Variants in NFATC1 observed in about 807,000 individuals in gnomAD.
NFATC1 encodes the protein nuclear factor of activated T-cells, cytoplasmic 1.
Under a neutral mutation model 76.0 loss-of-function variants are expected in NFATC1, and 22 were observed. That is an observed-to-expected ratio of 0.29 (90% CI 0.21 to 0.41). The LOEUF (loss-of-function observed/expected upper bound fraction) is 0.41, where lower values mean the gene tolerates loss of function less well. Among genes scored for constraint, NFATC1 ranks in the 10% least tolerant of loss-of-function variants. The pLI is 1.00. For missense variants in NFATC1, 1,357 were observed against 1,337.7 expected (o/e 1.01, Z -0.23); for synonymous variants, 704 against 613.1 (o/e 1.15, Z -2.19).
Position 79,426,453 on chromosome 18 carries a change from G to A in NFATC1, c.1227-7126G>A, listed in dbSNP as rs75967123. ...CGTCCCATGCCGCTTCCACCGCAGC[G>A]TGAGGACAGCAGGACCTGAGCCACG... On this transcript the variant is annotated intron_variant, in intron 2 of 9. Coordinates refer to ENST00000427363, the MANE Select transcript of NFATC1 (RefSeq NM_001278669.2). Among the ~76,000 whole-genome samples, 6 of 152,150 alleles carry A rather than the reference G, an allele frequency of 3.9e-5. No homozygotes were observed. The East Asian group carries it at 9.7e-4, about 25-fold the overall frequency.
At chr18:79,511,741 G>A (rs939321917) in intron 9 of NFATC1, among the ~76,000 whole-genome samples, 12 of 152,192 alleles carry the variant, frequency 7.9e-5, no homozygotes, top group Non-Finnish European at 1.8e-4. Flanking sequence ...TGGTTTCGAG[G>A]CTCTCAGTGG....
rs557963288 is a variant in NFATC1, at chr18:79,462,851, AGT to A, written c.1959+1491_1959+1492del. Among the ~76,000 whole-genome samples the A allele has an allele frequency of 1.7e-3, 253 of 152,208 alleles. 4 individuals are homozygous for A. Among genetic ancestry groups the A allele is most frequent in the African/African-American group, 5.6e-3 (232 of 41,532 alleles). Reference sequence around the variant, plus strand: ...GTCGGGGAGTCTTGTGCACCCACTCAGTGTGTGCAGTTGGAAGCTGGTCCCTT... The same window carrying A: ...GTCGGGGAGTCTTGTGCACCCACTCAGTGTGCAGTTGGAAGCTGGTCCCTT... On this transcript the variant is annotated intron_variant, in intron 7 of 9. Coordinates refer to ENST00000427363, the MANE Select transcript of NFATC1 (RefSeq NM_001278669.2).
rs1390500795 is a variant in NFATC1 at position 79,396,045 on chromosome 18, C to G, written c.-180C>G. ...AGGGCTCGGAGCCACCGCGCAGGTC[C>G]TAGGGCCGCGGCCGGGCCCCGCCAC... On this transcript the variant is annotated 5_prime_UTR_variant, in exon 1 of 10. Transcript: ENST00000427363. The G allele has an allele frequency of 2.9e-6, 2 of 696,174 alleles. No homozygotes were observed. Among genetic ancestry groups the G allele is most frequent in the East Asian group, 1.1e-4 (2 of 17,724 alleles). The allele number at this position is 696,174 out of a possible 1,614,324, so 43.1% of individuals were successfully genotyped here.
chr18:79,483,711 G>A (rs1442039706), intron 8 of NFATC1, among the ~76,000 whole-genome samples: 2 of 147,616 alleles, frequency 1.4e-5, no homozygotes, highest in Admixed American at 1.3e-4. Flanking sequence ...TGTTCCTGGG[G>A]TGTAATTCCA....
chr18:79,526,581 GGT>G (rs1419811383), intron 9 of NFATC1, among the ~76,000 whole-genome samples: 6 of 152,240 alleles, frequency 3.9e-5, no homozygotes, highest in Non-Finnish European at 8.8e-5. Flanking sequence ...GCCAGCCTCG[GGT>G]GTGTGTTTGC....
intron 9 of NFATC1, among the ~76,000 whole-genome samples, chr18:79,493,179 T>C (rs1245806486): frequency 6.6e-6 from 1 of 152,236 alleles, no homozygotes; most frequent in Non-Finnish European, 1.5e-5. Flanking sequence ...TAATGTGATC[T>C]CCACGCATTC....
intron 9 of NFATC1, among the ~76,000 whole-genome samples, chr18:79,517,473 C>T (rs1292915620): frequency 6.6e-6 from 1 of 152,178 alleles, no homozygotes; most frequent in Non-Finnish European, 1.5e-5. Flanking sequence ...TCCAGTGGGA[C>T]GGTGGGCCTT....
chr18:79,415,345 C>G (rs562853661), intron 2 of NFATC1, among the ~76,000 whole-genome samples: 1 of 152,162 alleles, frequency 6.6e-6, no homozygotes, highest in Admixed American at 6.5e-5. Context: ...TGCAGTGGCA[C>G]AATCTCGGCT....
At chr18:79,443,266 G>GCACCGCGCGTATGGACACA (rs2087055632) in intron 3 of NFATC1, among the ~76,000 whole-genome samples, 1 of 152,188 alleles carries the variant, frequency 6.6e-6, no homozygotes, top group Non-Finnish European at 1.5e-5. Context: ...GTCAGCTTGT[G>GCACCGCGCGTATGGACACA]CACCGCGCGT....
chr18:79,490,503 C>T (rs1412289480), intron 9 of NFATC1, among the ~76,000 whole-genome samples: 2 of 152,116 alleles, frequency 1.3e-5, no homozygotes, highest in Admixed American at 1.3e-4. Context: ...GACATTGCCG[C>T]CACCCTGGGA....
At chr18:79,464,701 TATTTA>T (rs1479314462) in intron 7 of NFATC1, among the ~76,000 whole-genome samples, 1 of 109,370 alleles carries the variant, frequency 9.1e-6, no homozygotes, top group African/African-American at 4.2e-5. Flanking sequence ...TATATTTATT[TATTTA>T]TTTATTTTTT....
At chr18:79,462,296 T>G (rs1294042024) in intron 7 of NFATC1, among the ~76,000 whole-genome samples, 9 of 152,200 alleles carry the variant, frequency 5.9e-5, no homozygotes, top group Non-Finnish European at 1.3e-4. Flanking sequence ...TGTCTTGTAA[T>G]TGGCACATGG....
chr18:79,411,531 A>G, intron 2 of NFATC1, 30 bp downstream of exon 2: 1 of 1,352,780 alleles, frequency 7.4e-7, no homozygotes. Flanking sequence ...CGGGACGGGG[A>G]GGCGAGGGGA....
chr18:79,457,983 G>C (rs555412939), intron 6 of NFATC1, among the ~76,000 whole-genome samples: 1 of 152,212 alleles, frequency 6.6e-6, no homozygotes, highest in Non-Finnish European at 1.5e-5. Context: ...CCTGTCTGTC[G>C]ATGGCACTAG....
At position 79,461,357 on chromosome 18, in the gene NFATC1, G is replaced by A. The variant is rs771938633; in HGVS notation, c.1950G>A (p.Leu650=). 2.5e-6 allele frequency: 4 copies of A among 1,614,136 alleles called. No homozygotes were observed. The highest frequency in any genetic ancestry group is 3.4e-6 in the Non-Finnish European group (4 of 1,180,018). The part of the protein sequence containing the change: ...WEMEAKTDRD[L]CKPNSLVVEI... The stretch of plus-strand genomic sequence containing the variant: ...TGGAAGCGAAAACTGACCGGGACCT[G>A]TGCAAGCCGGTGAGTGCCTTTGGCG... Residue 650 remains leucine (L), a synonymous_variant, in exon 7 of 10, where the codon CTG becomes CTA. Transcript: ENST00000427363.
chr18:79,415,665 A>T (rs2085853157), intron 2 of NFATC1, among the ~76,000 whole-genome samples: 1 of 152,182 alleles, frequency 6.6e-6, no homozygotes, highest in Non-Finnish European at 1.5e-5. Context: ...GGTAAAGAAA[A>T]AGAATTCCTA....
Position 79,407,805 on chromosome 18 carries a change from G to C in NFATC1, c.128-2598G>C, listed in dbSNP as rs529412728. Among the ~76,000 whole-genome samples, 74 of 152,288 alleles carry C rather than the reference G, an allele frequency of 4.9e-4. 2 individuals carry two copies. In the South Asian group the frequency reaches 0.015, roughly 31 times the overall value. ...CGGTGCAGGAGACTGCGTGGCTCCC[G>C]TCCTCTTGAGGGCATTTCTTTACGA... is the stretch of plus-strand genomic sequence containing the variant. On this transcript the variant is annotated intron_variant, in intron 1 of 9. Transcript: ENST00000427363.
chr18:79,439,831 G>C (rs899006386), intron 3 of NFATC1, among the ~76,000 whole-genome samples: 4 of 152,226 alleles, frequency 2.6e-5, no homozygotes, highest in Non-Finnish European at 5.9e-5. Flanking sequence ...CAGATGCTCG[G>C]TGCTGCTGGG....
chr18:79,469,494 A>G, intron 8 of NFATC1: 1 of 985,252 alleles, frequency 1.0e-6, no homozygotes, highest in Non-Finnish European at 1.2e-6. Flanking sequence ...CGCTCCTGCT[A>G]CCTCCAGTCC....
Sources: gnomAD v4.1 joint callset for allele counts (sites outside exome capture counted in the v4.1 genomes callset) on GRCh38, gnomAD v4.1.1 for gene constraint, MANE v1.5 for transcripts, NCBI Gene and HGNC (gene_info 2026-07-23, HGNC 2026-07-21) for gene names.